ZNF407: variants seen among roughly 807,000 people sequenced by gnomAD.
ZNF407 encodes zinc finger protein 407.
In ZNF407, 17 loss-of-function variants were observed where a neutral mutation model predicts 131.2. That is an observed-to-expected ratio of 0.13 (90% CI 0.09 to 0.19). ZNF407 has a LOEUF of 0.19. Among genes scored for constraint, ZNF407 ranks in the 10% least tolerant of loss-of-function variants. ZNF407 has a pLI of 1.00. For missense variants in ZNF407, 2,681 were observed against 2,830.6 expected (o/e 0.95, Z 1.20); for synonymous variants, 1,156 against 1,062.0 (o/e 1.09, Z -1.72).
intron 4 of ZNF407, among the ~76,000 whole-genome samples, chr18:74,859,827 A>G (rs1195956152): frequency 6.6e-6 from 1 of 152,158 alleles, no homozygotes; most frequent in Non-Finnish European, 1.5e-5. Flanking sequence ...ACCTGGCCCC[A>G]TGGTAGATGT....
intron 8 of ZNF407, among the ~76,000 whole-genome samples, chr18:74,938,799 A>G (rs1481851106): frequency 1.3e-5 from 2 of 152,244 alleles, no homozygotes; most frequent in South Asian, 2.1e-4. Flanking sequence ...AAGGACCATC[A>G]GGATAGTGGC....
At chr18:74,741,804 T>C (rs1333063030) in intron 3 of ZNF407, among the ~76,000 whole-genome samples, 1 of 152,152 alleles carries the variant, frequency 6.6e-6, no homozygotes, top group African/African-American at 2.4e-5. Flanking sequence ...AGAAAATTGC[T>C]ATTTAAGAGC....
intron 8 of ZNF407, among the ~76,000 whole-genome samples, chr18:75,036,729 G>A (rs147622424): frequency 1.2e-3 from 181 of 152,330 alleles, no homozygotes; most frequent in African/African-American, 4.1e-3. Flanking sequence ...TTTTAACTTA[G>A]ATTCTTGCAA....
rs369589792 is a variant in ZNF407, at chr18:74,849,032, A to G, written c.4878-28165A>G. On this transcript the variant is annotated intron_variant, in intron 4 of 8. Coordinates refer to ENST00000299687, the MANE Select transcript of ZNF407 (RefSeq NM_017757.3). ...TCCTTCAATGCCACTTCTTGTGGTG[A>G]CTTTGGGCTACTTTTGTTTCTTTTT... 1.9e-4 allele frequency among the ~76,000 whole-genome samples: 27 copies of G among 141,542 alleles called. No individual in the cohort carries two copies. In the South Asian group the frequency reaches 6.1e-3, roughly 32 times the overall value. 92.9% of individuals were successfully genotyped at this position (141,542 alleles called of 152,430 possible).
At chr18:74,831,969 C>T (rs1355170549) in intron 4 of ZNF407, among the ~76,000 whole-genome samples, 1 of 152,236 alleles carries the variant, frequency 6.6e-6, no homozygotes, top group Non-Finnish European at 1.5e-5. Context: ...GACAAGCCCG[C>T]TGTCAGTCTG....
intron 8 of ZNF407, among the ~76,000 whole-genome samples, chr18:74,947,337 G>T (rs1233899936): frequency 6.6e-6 from 1 of 151,984 alleles, no homozygotes; most frequent in South Asian, 2.1e-4. Context: ...GAAGTAAGAG[G>T]GCCCAAGTTC....
intron 8 of ZNF407, among the ~76,000 whole-genome samples, chr18:74,990,145 A>G (rs1332113796): frequency 1.3e-5 from 2 of 152,214 alleles, no homozygotes; most frequent in Non-Finnish European, 2.9e-5. Context: ...AGTGGGGGAA[A>G]GGCAGTAAAC....
At chr18:74,714,545 A>G (rs866061311) in intron 3 of ZNF407, among the ~76,000 whole-genome samples, 4 of 152,134 alleles carry the variant, frequency 2.6e-5, no homozygotes, top group Non-Finnish European at 5.9e-5. Flanking sequence ...TTTTCCTGGT[A>G]CTTGTTAATA....
At chr18:74,730,309 CAT>C (rs1214875141) in intron 3 of ZNF407, among the ~76,000 whole-genome samples, 1 of 152,154 alleles carries the variant, frequency 6.6e-6, no homozygotes, top group Non-Finnish European at 1.5e-5. Flanking sequence ...ATTTTTAAAA[CAT>C]AGATTCTGTT....
intron 6 of ZNF407, among the ~76,000 whole-genome samples, chr18:74,882,494 C>T (rs1000506113): frequency 2.0e-5 from 3 of 152,146 alleles, no homozygotes; most frequent in Non-Finnish European, 2.9e-5. Flanking sequence ...TTGTATTTAA[C>T]AGTTAGGTAC....
intron 3 of ZNF407, among the ~76,000 whole-genome samples, chr18:74,738,215 A>G (rs2144912430): frequency 6.6e-6 from 1 of 151,476 alleles, no homozygotes; most frequent in South Asian, 2.1e-4. Context: ...AAGTCAAGAG[A>G]TTGAGACCAT....
intron 1 of ZNF407, among the ~76,000 whole-genome samples, chr18:74,611,015 C>A (rs1983035939): frequency 6.6e-6 from 1 of 152,172 alleles, no homozygotes; most frequent in Admixed American, 6.5e-5. Flanking sequence ...TGGTTAACAC[C>A]TAATGAATAT....
rs536764741 is a variant in ZNF407, at chr18:75,032,012, G to A, written c.5429-31138G>A. On this transcript the variant is annotated intron_variant, in intron 8 of 8. Transcript: ENST00000299687. ...CATAATTTAAATTCCCCAAAACATG[G>A]AGTGTTTACATAGTTTAGGGCATGA... Among the ~76,000 whole-genome samples the A allele has an allele frequency of 2.0e-5, 3 of 152,234 alleles. No individual in the cohort carries two copies. In the East Asian group the frequency reaches 5.8e-4, roughly 29 times the overall value.
chr18:74,876,792 C>A (rs1235504926), intron 4 of ZNF407, among the ~76,000 whole-genome samples: 2 of 152,198 alleles, frequency 1.3e-5, no homozygotes, highest in Non-Finnish European at 2.9e-5. Context: ...AGGCCCTGCT[C>A]CAGCCGTACA....
intron 3 of ZNF407, among the ~76,000 whole-genome samples, chr18:74,755,550 T>TCCCTTCCTTCCC (rs1181908998): frequency 1.6e-5 from 1 of 60,842 alleles, no homozygotes; most frequent in Admixed American, 2.2e-4. Flanking sequence ...CCTCCCTCCC[T>TCCCTTCCTTCCC]TCCTTCTTCC....
In ZNF407 at chr18:74,726,384, A is replaced by G. The variant is rs186003296; in HGVS notation, c.4803-55044A>G. Among the ~76,000 whole-genome samples the G allele has an allele frequency of 3.3e-5, 5 of 152,338 alleles. 1 individual carries two copies. The East Asian group carries it at 9.6e-4, about 29-fold the overall frequency. ...TAGGACTGACCATCATGTCTGAATC[A>G]TGAGAGCCAATAAGTTATGCCTAAT... On this transcript the variant is annotated intron_variant, in intron 3 of 8. Coordinates refer to ENST00000299687, the MANE Select transcript of ZNF407 (RefSeq NM_017757.3).
At chr18:74,949,957 C>A (rs547956460) in intron 8 of ZNF407, among the ~76,000 whole-genome samples, 14 of 152,190 alleles carry the variant, frequency 9.2e-5, no homozygotes, top group South Asian at 4.1e-4. Context: ...TTTAACCCCC[C>A]ACTGGCTATG....
At chr18:74,939,914 G>A (rs1434739329) in intron 8 of ZNF407, among the ~76,000 whole-genome samples, 1 of 152,086 alleles carries the variant, frequency 6.6e-6, no homozygotes, top group East Asian at 1.9e-4. Context: ...ACACTTTCTT[G>A]CTGTGTGATC....
chr18:74,714,704 C>T (rs1162297823), intron 3 of ZNF407, among the ~76,000 whole-genome samples: 1 of 152,010 alleles, frequency 6.6e-6, no homozygotes, highest in African/African-American at 2.4e-5. Flanking sequence ...TTAGTATTAT[C>T]ATATGTGGGT....
Sources: allele counts gnomAD v4.1 joint callset (sites outside exome capture counted in the v4.1 genomes callset), GRCh38; gene constraint gnomAD v4.1.1; transcripts MANE v1.5; gene names NCBI Gene and HGNC (gene_info 2026-07-23, HGNC 2026-07-21).